The following HPF1 variants were observed in gnomAD, a reference collection of about 807,000 sequenced individuals.
The protein encoded by HPF1 is UPF0609 protein C4orf27.
Under a neutral mutation model 38.8 loss-of-function variants are expected in HPF1, and 35 were observed. The ratio of observed to expected loss-of-function variants is 0.90; its 90% CI spans 0.69 to 1.19. The LOEUF (loss-of-function observed/expected upper bound fraction) is 1.19. Among genes scored for constraint, HPF1 ranks in the 50% most tolerant of loss-of-function variants. The probability of loss-of-function intolerance (pLI) is 0.00; values close to 1 mark genes in which losing one functional copy is unlikely to be tolerated. For synonymous variants in HPF1, 115 were observed against 139.2 expected (o/e 0.83, Z 1.22); for missense variants, 367 against 405.8 (o/e 0.90, Z 0.82).
chr4:169,742,397 A>G (rs1278138963), intron 4 of HPF1, among the ~76,000 whole-genome samples: 1 of 152,242 alleles, frequency 6.6e-6, no homozygotes, highest in Non-Finnish European at 1.5e-5. Flanking sequence ...AGATTAGTCA[A>G]GGTTTAAACT....
chr4:169,748,936 A>T (rs1289312352), intron 3 of HPF1, 94 bp from the exon 4 acceptor site: 5 of 605,442 alleles, frequency 8.3e-6, no homozygotes, highest in South Asian at 2.1e-5. Context: ...ATTTACACCT[A>T]TTTTTTTTCC....
At position 169,743,106 on chromosome 4, in the gene HPF1, C is replaced by A. The variant is rs565487649; in HGVS notation, c.498-999G>T. On this transcript the variant is annotated intron_variant, in intron 4 of 7. Transcript: ENST00000393381. ...CCTAAGACTGCCTCAAAAAAAAAAA[C>A]AAAAAACTGTCTTTTTTTCCGAGAT... 4.8e-3 allele frequency among the ~76,000 whole-genome samples: 715 copies of A among 148,202 alleles called. 6 individuals are homozygous for A. Among genetic ancestry groups the A allele is most frequent in the South Asian group, 0.04 (186 of 4,678 alleles).
chr4:169,740,442 T>C (rs1243743801), intron 5 of HPF1, among the ~76,000 whole-genome samples: 1 of 152,216 alleles, frequency 6.6e-6, no homozygotes, highest in Non-Finnish European at 1.5e-5. Context: ...TCTAGTGTGC[T>C]GCACAGTGCT....
intron 1 of HPF1, 50 bp downstream of exon 1, chr4:169,757,780 G>A (rs1487037506): frequency 1.3e-6 from 2 of 1,493,586 alleles, no homozygotes; most frequent in East Asian, 4.9e-5. Context: ...TGGTGCCCTG[G>A]CTGTCACCCA....
chr4:169,732,163 A>G, intron 6 of HPF1: 1 of 251,318 alleles, frequency 4.0e-6, no homozygotes, highest in Admixed American at 6.0e-5. Flanking sequence ...TTTTTTTTAG[A>G]CGGAGTCTTG....
At position 169,757,894 on chromosome 4, in the gene HPF1, C is replaced by T; in HGVS notation, c.-17G>A. On this transcript the variant is annotated 5_prime_UTR_variant, in exon 1 of 8. Coordinates refer to ENST00000393381, the MANE Select transcript of HPF1 (RefSeq NM_017867.3). Reference sequence around the variant, plus strand: ...GCCGACCATTCTGCAGCTGCAGCGCCAGCAGAATTCCCCGATCCGCGGCCG... The same window carrying T: ...GCCGACCATTCTGCAGCTGCAGCGCTAGCAGAATTCCCCGATCCGCGGCCG... The T allele has an allele frequency of 6.5e-7, 1 of 1,548,528 alleles. No homozygotes were observed. Among genetic ancestry groups the T allele is most frequent in the Non-Finnish European group, 8.7e-7 (1 of 1,153,124 alleles).
chr4:169,756,637 AC>A (rs1275019393), intron 1 of HPF1, among the ~76,000 whole-genome samples: 1 of 152,240 alleles, frequency 6.6e-6, no homozygotes, highest in Non-Finnish European at 1.5e-5. Context: ...CGGGGTTGTT[AC>A]AAGGAATGTT....
At chr4:169,732,137 AT>A (rs70964219) in intron 6 of HPF1, 93,435 of 155,628 alleles carry the variant, frequency 0.6, 27,926 homozygotes, top group East Asian at 0.73. Flanking sequence ...TACAGTCACG[AT>A]TTTTTTTTTT....
At chr4:169,732,546 C>A (rs1163215514) in intron 6 of HPF1, among the ~76,000 whole-genome samples, 1 of 152,144 alleles carries the variant, frequency 6.6e-6, no homozygotes, top group Non-Finnish European at 1.5e-5. Flanking sequence ...TTTGGGCAAA[C>A]CTGGCTCACC....
rs1734139892 is a variant in HPF1, at chr4:169,753,039, T to TTG, written c.208+636_208+637insCA. On this transcript the variant is annotated intron_variant, in intron 2 of 7. Transcript: ENST00000393381. Reference sequence around the variant, plus strand: ...ATATCCTTGGTTAGGTTTTTTTTTTTTTTTTTTTTTCTGAGACAGGGTCTT... The same window carrying TTG: ...ATATCCTTGGTTAGGTTTTTTTTTTTTGTTTTTTTTTTCTGAGACAGGGTCTT... Among the ~76,000 whole-genome samples the TTG allele has an allele frequency of 1.6e-4, 24 of 146,292 alleles. 1 individual carries two copies. The South Asian group carries it at 5.4e-3, about 33-fold the overall frequency.
At chr4:169,756,501 G>A (rs1165334016) in intron 1 of HPF1, among the ~76,000 whole-genome samples, 1 of 152,206 alleles carries the variant, frequency 6.6e-6, no homozygotes, top group African/African-American at 2.4e-5. Context: ...CTGAAAGGCA[G>A]TTTTGCATAA....
chr4:169,732,567 C>T (rs1347483899), intron 6 of HPF1, among the ~76,000 whole-genome samples: 6 of 152,170 alleles, frequency 3.9e-5, no homozygotes, highest in South Asian at 2.1e-4. Flanking sequence ...CTGTGTTTAA[C>T]TGCCCTCAAA....
At chr4:169,742,145 C>A (rs1255828623) in intron 4 of HPF1, 38 bp from the exon 5 acceptor site, 1 of 1,590,194 alleles carries the variant, frequency 6.3e-7, no homozygotes, top group South Asian at 1.1e-5. Flanking sequence ...TGTGGCAGGC[C>A]ACTGTACTAA....
chr4:169,731,675 G>C (rs1733830578), intron 7 of HPF1, 29 bp downstream of exon 7: 32 of 1,488,990 alleles, frequency 2.1e-5, no homozygotes, highest in Non-Finnish European at 2.8e-5. Context: ...TGTGGCAGTG[G>C]GTAGAAGGTG....
At chr4:169,730,542 G>C (rs1476220527) in intron 7 of HPF1, among the ~76,000 whole-genome samples, 1 of 152,202 alleles carries the variant, frequency 6.6e-6, no homozygotes, top group Non-Finnish European at 1.5e-5. Context: ...GTACACCCCC[G>C]ACCAGGAGCA....
intron 5 of HPF1, among the ~76,000 whole-genome samples, chr4:169,739,949 A>G (rs1733944635): frequency 6.6e-6 from 1 of 152,264 alleles, no homozygotes; most frequent in Non-Finnish European, 1.5e-5. Context: ...GATTTTTCAC[A>G]GATGATTACC....
rs755869482 is a variant in HPF1 at position 169,757,907 on chromosome 4, C to G, written c.-30G>C. 14 of 1,538,710 alleles carry G rather than the reference C, an allele frequency of 9.1e-6. No individual in the cohort carries two copies. Among genetic ancestry groups the G allele is most frequent in the East Asian group, 2.4e-5 (1 of 40,926 alleles). ...CAGCTGCAGCGCCAGCAGAATTCCCCGATCCGCGGCCGCTTCCGAGCGCCG... is the reference window on the plus strand; with the variant it reads ...CAGCTGCAGCGCCAGCAGAATTCCCGGATCCGCGGCCGCTTCCGAGCGCCG... On this transcript the variant is annotated 5_prime_UTR_variant, in exon 1 of 8. Transcript: ENST00000393381.
At chr4:169,757,575 T>C (rs1266979474) in intron 1 of HPF1, among the ~76,000 whole-genome samples, 1 of 152,128 alleles carries the variant, frequency 6.6e-6, no homozygotes, top group Non-Finnish European at 1.5e-5. Context: ...GAATGAACCA[T>C]TGGTTGGCTT....
chr4:169,731,744 C>T lies in HPF1; in HGVS notation c.869G>A (p.Gly290Glu). The T allele has an allele frequency of 3.2e-6, 5 of 1,584,724 alleles. No homozygotes were observed. The highest frequency in any genetic ancestry group is 1.4e-5 in the African/African-American group (1 of 72,976). The change falls in exon 7 of 8, where the codon GGG becomes GAG. Residue 290 changes from glycine to glutamate, a missense_variant. Transcript: ENST00000393381. The part of the protein sequence containing the change: ...FANDECDYGM[G>E]LELGMDLFCY... ...AAAGAGATCCATTCCCAATTCAAGCCCCATGCCATAATCACATTCATCATT... is the reference window on the plus strand; with the variant it reads ...AAAGAGATCCATTCCCAATTCAAGCTCCATGCCATAATCACATTCATCATT...
Sources: gnomAD v4.1 joint callset for allele counts (sites outside exome capture counted in the v4.1 genomes callset) on GRCh38, gnomAD v4.1.1 for gene constraint, MANE v1.5 for transcripts, NCBI Gene and HGNC (gene_info 2026-07-23, HGNC 2026-07-21) for gene names.